BANP: variants seen among roughly 807,000 people sequenced by gnomAD.
BANP encodes protein BANP.
In BANP, 11 loss-of-function variants were observed where a neutral mutation model predicts 68.1. That is an observed-to-expected ratio of 0.16 (90% CI 0.10 to 0.27). The LOEUF (loss-of-function observed/expected upper bound fraction) is 0.27. BANP is among the 10% of genes least tolerant of loss of function. The pLI is 1.00. For missense variants in BANP, 504 were observed against 722.7 expected (o/e 0.70, Z 3.47); for synonymous variants, 329 against 303.2 (o/e 1.09, Z -0.88).
rs114273966 is a variant in BANP at position 88,051,996 on chromosome 16, T to C, written c.1312-13271T>C. On this transcript the variant is annotated intron_variant, in intron 11 of 13. Coordinates refer to ENST00000682872, the MANE Select transcript of BANP (RefSeq NM_001386991.1). ...AAATAATACTCCCAATCAGTATGTT[T>C]CTGGAATTGGTAGCTGCTACTAGCT... Among the ~76,000 whole-genome samples, 820 of 152,338 alleles carry C rather than the reference T, an allele frequency of 5.4e-3. 8 individuals are homozygous for C. Among genetic ancestry groups the C allele is most frequent in the African/African-American group, 0.018 (768 of 41,560 alleles).
At chr16:88,066,595 A>C (rs907857468) in intron 12 of BANP, among the ~76,000 whole-genome samples, 1 of 152,250 alleles carries the variant, frequency 6.6e-6, no homozygotes, top group Non-Finnish European at 1.5e-5. Context: ...TGTTCACAAA[A>C]AGTAAAACCA....
chr16:88,035,277 C>G, intron 9 of BANP, 46 bp from the exon 10 acceptor site: 2 of 1,503,540 alleles, frequency 1.3e-6, no homozygotes, highest in Non-Finnish European at 9.1e-7. Context: ...GTTTCCTTTG[C>G]TTTTGATTTT....
Position 88,018,043 on chromosome 16 carries a change from G to A in BANP, c.656-385G>A, listed in dbSNP as rs1278041977. Reference sequence around the variant, plus strand: ...GAGAGCATGGCTGGCAGTGAGGTGTGAGGGACCCCGGGGAGGGTTCCGCTC... The same window carrying A: ...GAGAGCATGGCTGGCAGTGAGGTGTAAGGGACCCCGGGGAGGGTTCCGCTC... On this transcript the variant is annotated intron_variant, in intron 6 of 13. Transcript: ENST00000682872. This position sits in a 1 kb window ranked among gnomAD's most constrained non-coding sequence, Gnocchi z 7.7. Among the ~76,000 whole-genome samples the A allele has an allele frequency of 6.6e-6, 1 of 152,166 alleles. No individual in the cohort carries two copies. Among genetic ancestry groups the A allele is most frequent in the Non-Finnish European group, 1.5e-5 (1 of 68,030 alleles).
chr16:87,986,934 A>G (rs2064583037), intron 4 of BANP, among the ~76,000 whole-genome samples: 1 of 152,202 alleles, frequency 6.6e-6, no homozygotes, highest in Non-Finnish European at 1.5e-5. Context: ...GGGATTATTA[A>G]TATTGCTAAT....
At chr16:88,001,749 C>G (rs1428285550) in intron 4 of BANP, among the ~76,000 whole-genome samples, 1 of 152,002 alleles carries the variant, frequency 6.6e-6, no homozygotes, top group African/African-American at 2.4e-5. Flanking sequence ...TTTTGGCAGT[C>G]GAATGTTATG....
At chr16:87,972,474 T>C (rs1316305938) in intron 1 of BANP, among the ~76,000 whole-genome samples, 1 of 152,030 alleles carries the variant, frequency 6.6e-6, no homozygotes, top group Non-Finnish European at 1.5e-5. Context: ...GTTTCTAGAA[T>C]GTTTTCATTG....
intron 3 of BANP, 36 bp downstream of exon 3, chr16:87,981,163 G>A (rs754021933): frequency 9.0e-6 from 13 of 1,452,240 alleles, no homozygotes; most frequent in East Asian, 2.3e-5. Flanking sequence ...TGTGTAGTGC[G>A]TTGCAGATTT....
intron 5 of BANP, among the ~76,000 whole-genome samples, chr16:88,005,261 G>A (rs1246625003): frequency 2.6e-5 from 4 of 152,330 alleles, no homozygotes; most frequent in African/African-American, 9.6e-5. Context: ...CAGATGGCCA[G>A]TGTTGAGATC....
At chr16:88,048,257 A>C (rs2082447129) in intron 11 of BANP, among the ~76,000 whole-genome samples, 1 of 152,250 alleles carries the variant, frequency 6.6e-6, no homozygotes, top group Non-Finnish European at 1.5e-5. Context: ...AACTAAAAAT[A>C]ATTTTCCGGA....
intron 1 of BANP, among the ~76,000 whole-genome samples, chr16:87,967,819 C>T (rs1033497770): frequency 3.3e-5 from 5 of 151,794 alleles, no homozygotes; most frequent in Non-Finnish European, 5.9e-5. Context: ...GACGGCGTTT[C>T]ACCATGTTGG....
Position 88,071,279 on chromosome 16 carries a change from A to C in BANP, c.1378-790A>C, listed in dbSNP as rs1437071468. On this transcript the variant is annotated intron_variant, in intron 12 of 13. Coordinates refer to ENST00000682872, the MANE Select transcript of BANP (RefSeq NM_001386991.1). The surrounding 1 kb of genome is among the most constrained non-coding windows in gnomAD (Gnocchi z 6.5). ...CCCGTGGCTCATGTCAAGTGCCCTC[A>C]GGGCTGGGGCTGCCCACCCGCCTGC... is the stretch of plus-strand genomic sequence containing the variant. 2.8e-6 allele frequency: 1 copy of C among 361,406 alleles called. No individual in the cohort carries two copies. The highest frequency in any genetic ancestry group is 2.1e-5 in the African/African-American group (1 of 46,916). The allele number at this position is 361,406 out of a possible 1,614,324, so 22.4% of individuals were successfully genotyped here.
intron 6 of BANP, among the ~76,000 whole-genome samples, chr16:88,015,038 C>T (rs1359247879): frequency 1.3e-5 from 2 of 150,188 alleles, no homozygotes; most frequent in Admixed American, 6.6e-5. Flanking sequence ...CAGCTTGTGC[C>T]CTCTGGCCGT....
intron 11 of BANP, among the ~76,000 whole-genome samples, chr16:88,063,014 C>A (rs929607278): frequency 6.6e-6 from 1 of 152,222 alleles, no homozygotes; most frequent in African/African-American, 2.4e-5. Context: ...TTGTCCTCAT[C>A]ACCAATTTCA....
intron 1 of BANP, among the ~76,000 whole-genome samples, chr16:87,964,916 TG>T (rs2059772008): frequency 6.6e-6 from 1 of 152,112 alleles, no homozygotes; most frequent in Admixed American, 6.5e-5. Flanking sequence ...GGGCTCAGTT[TG>T]GACATGTTAG....
rs150475291 is a variant in BANP, at chr16:88,067,762, C to T, written c.1377+2430C>T. On this transcript the variant is annotated intron_variant, in intron 12 of 13. Coordinates refer to ENST00000682872, the MANE Select transcript of BANP (RefSeq NM_001386991.1). Reference sequence around the variant, plus strand: ...CCTGGTCCTCCACCCTTTCACTGACCTCGCCCTGCTCCACCCCAGGGTAAA... The same window carrying T: ...CCTGGTCCTCCACCCTTTCACTGACTTCGCCCTGCTCCACCCCAGGGTAAA... 8.2e-3 allele frequency among the ~76,000 whole-genome samples: 1,250 copies of T among 152,246 alleles called. 18 individuals are homozygous for T. Among genetic ancestry groups the T allele is most frequent in the African/African-American group, 0.028 (1,167 of 41,536 alleles).
chr16:88,027,325 G>C (rs1751068687), intron 7 of BANP, among the ~76,000 whole-genome samples, 158 bp from the exon 8 acceptor site: 1 of 152,228 alleles, frequency 6.6e-6, no homozygotes, highest in Non-Finnish European at 1.5e-5. Context: ...CTTCTGTGCA[G>C]TGGGCCTTTC....
chr16:88,056,907 T>A (rs2085188651), intron 11 of BANP, among the ~76,000 whole-genome samples: 1 of 152,218 alleles, frequency 6.6e-6, no homozygotes, highest in Non-Finnish European at 1.5e-5. Context: ...CATTTGGAAA[T>A]ACTCTTGTTT....
Position 88,018,754 on chromosome 16 carries a change from T to A in BANP, c.895+87T>A. 6.9e-7 allele frequency: 1 copy of A among 1,452,848 alleles called. No homozygotes were observed. Among genetic ancestry groups the A allele is most frequent in the South Asian group, 1.4e-5 (1 of 72,522 alleles). 90.0% of individuals were successfully genotyped at this position (1,452,848 alleles called of 1,614,324 possible). A position where few individuals can be genotyped will look rare whatever the true frequency, so the allele number is the denominator to read the frequency against. On this transcript the variant is annotated intron_variant, in intron 7 of 13. Coordinates refer to ENST00000682872, the MANE Select transcript of BANP (RefSeq NM_001386991.1). The surrounding 1 kb of genome is among the most constrained non-coding windows in gnomAD (Gnocchi z 7.7). ...TCAATGCTGAGGACGCTGGCATCAG[T>A]AGCACCGGCACGGGGCTGCGTTTCT...
At chr16:88,007,631 G>T (rs2071633663) in intron 6 of BANP, among the ~76,000 whole-genome samples, 1 of 152,258 alleles carries the variant, frequency 6.6e-6, no homozygotes, top group African/African-American at 2.4e-5. Flanking sequence ...TTACTAGGAA[G>T]AACTCAGTTT....
Sources: gnomAD v4.1 joint callset for allele counts (sites outside exome capture counted in the v4.1 genomes callset) on GRCh38, gnomAD v4.1.1 for gene constraint, Gnocchi (gnomAD v3.1) non-coding constraint, MANE v1.5 for transcripts, NCBI Gene and HGNC (gene_info 2026-07-23, HGNC 2026-07-21) for gene names.